Variants in ATP6V0A4 observed in about 807,000 individuals in gnomAD.
ATP6V0A4 encodes the protein ATPase H+ transporting V0 subunit a4.
ATP6V0A4 carries 86 observed loss-of-function variants against 107.3 expected under a neutral mutation model. The observed-to-expected ratio is 0.80, with a 90% CI of 0.67 to 0.96. ATP6V0A4 has a LOEUF of 0.96. Ranked by LOEUF, ATP6V0A4 falls within the 40% of genes least tolerant of loss-of-function variation. The pLI is 0.00. For synonymous variants in ATP6V0A4, 353 were observed against 381.4 expected, an observed-to-expected ratio of 0.93 and a Z score of 0.87; for missense variants, 908 against 1,045.6, an observed-to-expected ratio of 0.87 and a Z score of 1.81.
At chr7:138,775,615 T>C (rs964935248) in intron 2 of ATP6V0A4, among the ~76,000 whole-genome samples, 9 of 149,912 alleles carry the variant, frequency 6.0e-5, no homozygotes, top group Non-Finnish European at 1.3e-4. Flanking sequence ...TAGCTAGGAC[T>C]ACAGGTGTGC....
intron 10 of ATP6V0A4, among the ~76,000 whole-genome samples, chr7:138,753,864 G>A (rs903871084): frequency 2.6e-5 from 4 of 152,118 alleles, no homozygotes; most frequent in Non-Finnish European, 5.9e-5. Context: ...AGCATAGCCC[G>A]AATTATATGC....
chr7:138,793,028 T>TCA (rs1808498202), intron 1 of ATP6V0A4, among the ~76,000 whole-genome samples: 1 of 152,150 alleles, frequency 6.6e-6, no homozygotes. Flanking sequence ...GCGCAGTGGC[T>TCA]CACACCTGTA....
chr7:138,769,078 T>C (rs765588551), intron 4 of ATP6V0A4, 95 bp downstream of exon 4: 145 of 1,588,572 alleles, frequency 9.1e-5, no homozygotes, highest in Non-Finnish European at 1.2e-4. Context: ...GTATTGCAAA[T>C]AGGGACACAT....
At chr7:138,761,251 G>A (rs1018303861) in intron 7 of ATP6V0A4, among the ~76,000 whole-genome samples, 2 of 152,222 alleles carry the variant, frequency 1.3e-5, no homozygotes, top group Non-Finnish European at 2.9e-5. Context: ...AAGATCACTT[G>A]AGCCTGAGAG....
intron 2 of ATP6V0A4, among the ~76,000 whole-genome samples, chr7:138,777,615 C>CAA (rs67200252): frequency 0.05 from 5,561 of 111,974 alleles, 522 homozygotes; most frequent in East Asian, 0.28. Flanking sequence ...AACTCCGTCT[C>CAA]AAAAAAAAAA....
chr7:138,725,773 A>G (rs1804680066), intron 18 of ATP6V0A4, among the ~76,000 whole-genome samples: 1 of 152,012 alleles, frequency 6.6e-6, no homozygotes, highest in African/African-American at 2.4e-5. Context: ...TCAGCCTCCC[A>G]GAGTGCTGGG....
intron 18 of ATP6V0A4, among the ~76,000 whole-genome samples, chr7:138,724,180 A>G (rs1348238785): frequency 3.2e-5 from 4 of 126,110 alleles, no homozygotes; most frequent in African/African-American, 1.3e-4. Flanking sequence ...ACCAAGCAAG[A>G]CTCTGCCTCA....
Position 138,755,955 on chromosome 7 carries a change from C to T in ATP6V0A4, c.723-173G>A, listed in dbSNP as rs538635651. The T allele has an allele frequency of 3.5e-5, 42 of 1,190,444 alleles. No homozygotes were observed. The Middle Eastern group carries it at 7.7e-4, about 22-fold the overall frequency. The allele number at this position is 1,190,444 out of a possible 1,614,324, so 73.7% of individuals were successfully genotyped here. A position where few individuals can be genotyped will look rare whatever the true frequency, so the allele number is the denominator to read the frequency against. ...GTCCCAGTCATAAGGGTTCCCAGTA[C>T]GTCACTTGTGCTGTGAATTGAGGCT... On this transcript the variant is annotated intron_variant, in intron 9 of 21. Transcript: ENST00000310018.
At chr7:138,733,572 CTTTTTTTTTTTTT>C in intron 16 of ATP6V0A4, among the ~76,000 whole-genome samples, 1 of 87,062 alleles carries the variant, frequency 1.1e-5, no homozygotes, top group African/African-American at 4.3e-5. Flanking sequence ...AATGGTTTCT[CTTTTTTTTTTTTT>C]TTTTTTTTTT....
intron 21 of ATP6V0A4, 172 bp from the exon 22 acceptor site, chr7:138,706,889 ATTT>A (rs11308035): frequency 0.018 from 3,845 of 210,956 alleles, no homozygotes; most frequent in Non-Finnish European, 0.022. Context: ...AATCCTGAGG[ATTT>A]TTTTTTTTTT....
At chr7:138,790,525 C>T (rs1007265906) in intron 1 of ATP6V0A4, among the ~76,000 whole-genome samples, 1 of 152,148 alleles carries the variant, frequency 6.6e-6, no homozygotes, top group Non-Finnish European at 1.5e-5. Flanking sequence ...AAACTCCTGA[C>T]CTCAGGTGAT....
intron 10 of ATP6V0A4, among the ~76,000 whole-genome samples, chr7:138,754,429 CA>C (rs1806404280): frequency 9.0e-6 from 1 of 111,064 alleles, no homozygotes; most frequent in Non-Finnish European, 1.8e-5. Flanking sequence ...GCCTGGGCAA[CA>C]AGAGCAAAAC....
At chr7:138,716,288 G>A (rs1159019249) in intron 19 of ATP6V0A4, among the ~76,000 whole-genome samples, 1 of 152,146 alleles carries the variant, frequency 6.6e-6, no homozygotes, top group Non-Finnish European at 1.5e-5. Context: ...CTGGAACTGG[G>A]AGCTTGTTTA....
intron 17 of ATP6V0A4, among the ~76,000 whole-genome samples, chr7:138,731,941 T>TAAATAAAA (rs1805043834): frequency 1.3e-5 from 2 of 150,282 alleles, no homozygotes; most frequent in African/African-American, 2.5e-5. Flanking sequence ...AATAAATAAA[T>TAAATAAAA]AAAATATTAA....
intron 2 of ATP6V0A4, among the ~76,000 whole-genome samples, chr7:138,779,689 G>A (rs1273017953): frequency 6.6e-6 from 1 of 152,156 alleles, no homozygotes; most frequent in Non-Finnish European, 1.5e-5. Context: ...CCCAGAAGAG[G>A]AGGTAAACTG....
chr7:138,784,253 CATATATATAT>C (rs59443230), intron 2 of ATP6V0A4, among the ~76,000 whole-genome samples: 1 of 106,196 alleles, frequency 9.4e-6, no homozygotes, highest in Non-Finnish European at 1.8e-5. Context: ...TATATATATA[CATATATATAT>C]ATACATATAT....
At chr7:138,769,120 C>T (rs1807237807) in intron 4 of ATP6V0A4, 53 bp downstream of exon 4, 2 of 1,598,238 alleles carry the variant, frequency 1.3e-6, no homozygotes, top group Non-Finnish European at 8.5e-7. Flanking sequence ...CTATTAACCC[C>T]CTTGCCAGTT....
rs552927028 is a variant in ATP6V0A4, at chr7:138,708,256, A to G, written c.2429+1368T>C. ...GTAGAGACGGGGTTTCTCCACGTCG[A>G]TCAGGTCACAAACTCCTGACCTCAG... On this transcript the variant is annotated intron_variant, in intron 21 of 21. Transcript: ENST00000310018. Among the ~76,000 whole-genome samples, 620 of 151,796 alleles carry G rather than the reference A, an allele frequency of 4.1e-3. 7 individuals carry two copies. The highest frequency in any genetic ancestry group is 0.027 in the South Asian group (128 of 4,804).
chr7:138,778,714 C>G lies in ATP6V0A4; in HGVS notation c.-18+7444G>C, dbSNP rs73467865. 3.3e-5 allele frequency among the ~76,000 whole-genome samples: 5 copies of G among 152,064 alleles called. No individual in the cohort carries two copies. In the East Asian group the frequency reaches 7.7e-4, roughly 24 times the overall value. On this transcript the variant is annotated intron_variant, in intron 2 of 21. Transcript: ENST00000310018. ...CAGAAAAAACTATGGCCCTGCCCCCCACCCCATTGCCAGCAAAGCCCAAGT... is the reference window on the plus strand; with the variant it reads ...CAGAAAAAACTATGGCCCTGCCCCCGACCCCATTGCCAGCAAAGCCCAAGT...
Sources: gnomAD v4.1 joint callset for allele counts (sites outside exome capture counted in the v4.1 genomes callset) on GRCh38, gnomAD v4.1.1 for gene constraint, MANE v1.5 for transcripts, NCBI Gene and HGNC (gene_info 2026-07-23, HGNC 2026-07-21) for gene names.